The following GPA33 variants were observed in gnomAD, a reference collection of about 807,000 sequenced individuals.
The protein encoded by GPA33 is glycoprotein A33, also known as cell surface A33 antigen.
Under a neutral mutation model 35.6 loss-of-function variants are expected in GPA33, and 27 were observed. The observed-to-expected ratio is 0.76, with a 90% CI of 0.56 to 1.04. The LOEUF (loss-of-function observed/expected upper bound fraction) is 1.04, where lower values mean the gene tolerates loss of function less well. Among genes scored for constraint, GPA33 ranks in the 50% least tolerant of loss-of-function variants. The pLI, the probability that GPA33 is intolerant of heterozygous loss-of-function variation, is 0.00. For synonymous variants in GPA33, 176 were observed against 164.0 expected (o/e 1.07, Z -0.56); for missense variants, 428 against 411.9 (o/e 1.04, Z -0.34).
rs561631766 is a variant in GPA33 at position 167,079,646 on chromosome 1, C to T, written c.44-6107G>A. 3.3e-5 allele frequency among the ~76,000 whole-genome samples: 5 copies of T among 152,294 alleles called. No homozygotes were observed. The East Asian group carries it at 7.7e-4, about 24-fold the overall frequency. ...CATAATTTGAGACGAGAAGTTATTCCGTGTTTAAGAACTTTATGCCAACAG... is the reference window on the plus strand; with the variant it reads ...CATAATTTGAGACGAGAAGTTATTCTGTGTTTAAGAACTTTATGCCAACAG... On this transcript the variant is annotated intron_variant, in intron 1 of 6. Transcript: ENST00000367868.
intron 2 of GPA33, among the ~76,000 whole-genome samples, chr1:167,069,682 A>G (rs1288607347): frequency 6.6e-6 from 1 of 152,250 alleles, no homozygotes; most frequent in Admixed American, 6.5e-5. Context: ...GACTGCTTCA[A>G]TTCAAATCCC....
intron 4 of GPA33, among the ~76,000 whole-genome samples, chr1:167,056,838 T>TG (rs1666308656): frequency 2.2e-3 from 28 of 12,498 alleles, no homozygotes; most frequent in South Asian, 0.011. Context: ...GTGTGTGTGG[T>TG]GAGTGTGTAA....
intron 1 of GPA33, among the ~76,000 whole-genome samples, chr1:167,085,523 A>G (rs1355605114): frequency 1.3e-5 from 2 of 152,174 alleles, no homozygotes; most frequent in Admixed American, 6.5e-5. Context: ...ACCTGTGCCC[A>G]TGAACCAATT....
chr1:167,060,813 C>T (rs909110851), intron 4 of GPA33, among the ~76,000 whole-genome samples: 6 of 152,288 alleles, frequency 3.9e-5, no homozygotes, highest in African/African-American at 1.4e-4. Context: ...CATGATTTCT[C>T]ATCACTGTGT....
At chr1:167,062,911 C>T (rs551211530) in intron 4 of GPA33, among the ~76,000 whole-genome samples, 1 of 151,950 alleles carries the variant, frequency 6.6e-6, no homozygotes, top group Non-Finnish European at 1.5e-5. Context: ...GCGTGGAGCC[C>T]CCGAGTTAGA....
intron 1 of GPA33, among the ~76,000 whole-genome samples, chr1:167,087,908 T>TCACACACA (rs1491326252): frequency 3.6e-4 from 53 of 149,214 alleles, no homozygotes; most frequent in African/African-American, 1.1e-3. Context: ...CCAGACTCTG[T>TCACACACA]CTCACACACA....
chr1:167,056,640 G>GTATGGGGGCAGTGTGTGTGT (rs1323350128), intron 4 of GPA33, among the ~76,000 whole-genome samples: 2 of 149,918 alleles, frequency 1.3e-5, no homozygotes, highest in East Asian at 4.0e-4. Flanking sequence ...GATGTGTGTG[G>GTATGGGGGCAGTGTGTGTGT]TGTGTGTAGT....
At chr1:167,079,331 A>C (rs2102198455) in intron 1 of GPA33, among the ~76,000 whole-genome samples, 1 of 152,108 alleles carries the variant, frequency 6.6e-6, no homozygotes, top group African/African-American at 2.4e-5. Context: ...TGTCTCTACT[A>C]AACTACAAAA....
At chr1:167,072,860 G>A (rs570581959) in intron 2 of GPA33, among the ~76,000 whole-genome samples, 33 of 152,210 alleles carry the variant, frequency 2.2e-4, no homozygotes, top group African/African-American at 7.7e-4. Context: ...CTGCCTGGGG[G>A]TGGAGGAAAG....
At position 167,054,230 on chromosome 1, in the gene GPA33, G is replaced by T; in HGVS notation, c.*104C>A. 1 of 1,406,062 alleles carries T rather than the reference G, an allele frequency of 7.1e-7. No homozygotes were observed. The highest frequency in any genetic ancestry group is 9.8e-7 in the Non-Finnish European group (1 of 1,018,216). 87.1% of individuals were successfully genotyped at this position (1,406,062 alleles called of 1,614,324 possible). On this transcript the variant is annotated 3_prime_UTR_variant, in exon 7 of 7. Coordinates refer to ENST00000367868, the MANE Select transcript of GPA33 (RefSeq NM_005814.3). ...GGAAGAAATGTCCCCATCAATGTCT[G>T]GGATGGAGGGACAGGAGAACAGGGC...
intron 4 of GPA33, among the ~76,000 whole-genome samples, chr1:167,057,002 GTGTGTGGTGTGTGA>G (rs1424173146): frequency 1.3e-5 from 2 of 148,988 alleles, no homozygotes; most frequent in South Asian, 2.1e-4. Context: ...TGGGTGTAAT[GTGTGTGGTGTGTGA>G]TGTGTGGTGT....
intron 2 of GPA33, among the ~76,000 whole-genome samples, chr1:167,070,022 T>C (rs1429838450): frequency 6.6e-6 from 1 of 152,038 alleles, no homozygotes; most frequent in Non-Finnish European, 1.5e-5. Context: ...CAGAAGAAAA[T>C]ATCACTTCCA....
In GPA33 at chr1:167,086,927, G is replaced by T. The variant is rs140214865; in HGVS notation, c.43+3318C>A. Among the ~76,000 whole-genome samples, 55 of 152,060 alleles carry T rather than the reference G, an allele frequency of 3.6e-4. 1 individual carries two copies. Among genetic ancestry groups the T allele is most frequent in the African/African-American group, 1.2e-3 (51 of 41,468 alleles). On this transcript the variant is annotated intron_variant, in intron 1 of 6. Coordinates refer to ENST00000367868, the MANE Select transcript of GPA33 (RefSeq NM_005814.3). ...TGTGTGAGAGATTGGGTCTTCAAAG[G>T]TTTCACTGGCTCTGAGCAGAGCTGT...
chr1:167,054,232 G>C lies in GPA33; in HGVS notation c.*102C>G, dbSNP rs1208891991. The C allele has an allele frequency of 7.0e-7, 1 of 1,422,364 alleles. No homozygotes were observed. The highest frequency in any genetic ancestry group is 1.4e-5 in the African/African-American group (1 of 71,138). The allele number at this position is 1,422,364 out of a possible 1,614,324, so 88.1% of individuals were successfully genotyped here. ...AAGAAATGTCCCCATCAATGTCTGG[G>C]ATGGAGGGACAGGAGAACAGGGCTT... On this transcript the variant is annotated 3_prime_UTR_variant, in exon 7 of 7. Coordinates refer to ENST00000367868, the MANE Select transcript of GPA33 (RefSeq NM_005814.3).
intron 4 of GPA33, among the ~76,000 whole-genome samples, chr1:167,061,325 A>C (rs1473962559): frequency 6.6e-6 from 1 of 152,134 alleles, no homozygotes; most frequent in African/African-American, 2.4e-5. Context: ...CCATATACAC[A>C]CTTTGCAGGA....
chr1:167,078,013 C>T (rs1467414225), intron 1 of GPA33, among the ~76,000 whole-genome samples: 1 of 152,206 alleles, frequency 6.6e-6, no homozygotes, highest in Non-Finnish European at 1.5e-5. Context: ...AGAGGCAGCC[C>T]TGGTGAGGGT....
chr1:167,082,537 G>C (rs918298442), intron 1 of GPA33, among the ~76,000 whole-genome samples: 2 of 152,140 alleles, frequency 1.3e-5, no homozygotes, highest in Non-Finnish European at 2.9e-5. Context: ...GGTGCTGCCA[G>C]CAAGGAAGAG....
intron 2 of GPA33, 104 bp from the exon 3 acceptor site, chr1:167,069,242 G>A (rs1571312138): frequency 5.9e-6 from 4 of 683,658 alleles, no homozygotes. Flanking sequence ...GGGCCCAGAA[G>A]CACAGACCTG....
intron 2 of GPA33, among the ~76,000 whole-genome samples, chr1:167,069,768 G>A (rs1358162143): frequency 3.3e-5 from 5 of 152,226 alleles, no homozygotes; most frequent in Admixed American, 3.3e-4. Context: ...TCTGCAAAAT[G>A]GAGATGATGA....
Sources: allele counts gnomAD v4.1 joint callset (sites outside exome capture counted in the v4.1 genomes callset), GRCh38; gene constraint gnomAD v4.1.1; transcripts MANE v1.5; gene names NCBI Gene and HGNC (gene_info 2026-07-23, HGNC 2026-07-21).